Variants in SPECC1 observed in about 807,000 individuals in gnomAD.
The protein encoded by SPECC1 is cytospin-B.
Under a neutral mutation model 104.1 loss-of-function variants are expected in SPECC1, and 62 were observed. The observed-to-expected ratio is 0.60, with a 90% confidence interval of 0.49 to 0.74. The LOEUF (loss-of-function observed/expected upper bound fraction) is 0.74. SPECC1 is among the 30% of genes least tolerant of loss of function. SPECC1 has a pLI of 0.00. For synonymous variants in SPECC1, 513 were observed against 501.6 expected, an observed-to-expected ratio of 1.02 and a Z score of -0.30; for missense variants, 1,306 against 1,310.5, an observed-to-expected ratio of 1.00 and a Z score of 0.05.
chr17:20,014,016 G>A (rs571556498), intron 1 of SPECC1, among the ~76,000 whole-genome samples: 14 of 151,856 alleles, frequency 9.2e-5, no homozygotes, highest in Non-Finnish European at 1.9e-4. Context: ...TGTAGTCTGT[G>A]CATGTGCTCG....
At chr17:20,187,684 G>T (rs373506578) in intron 3 of SPECC1, among the ~76,000 whole-genome samples, 1 of 152,134 alleles carries the variant, frequency 6.6e-6, no homozygotes. Flanking sequence ...GCTTGAGTTG[G>T]GTTTTCTCTT....
At chr17:20,102,966 G>A (rs2048011609) in intron 2 of SPECC1, among the ~76,000 whole-genome samples, 1 of 152,182 alleles carries the variant, frequency 6.6e-6, no homozygotes, top group African/African-American at 2.4e-5. Flanking sequence ...ACACTCTGAA[G>A]TGGGTACCAT....
At chr17:20,228,958 C>G (rs1036021181) in intron 5 of SPECC1, among the ~76,000 whole-genome samples, 2 of 152,152 alleles carry the variant, frequency 1.3e-5, no homozygotes, top group African/African-American at 4.8e-5. Context: ...GTCGATCCTC[C>G]TTATTCACAG....
chr17:20,112,780 A>G, intron 3 of SPECC1: 1 of 1,366,606 alleles, frequency 7.3e-7, no homozygotes, highest in South Asian at 1.2e-5. Flanking sequence ...GAAGTCAGAT[A>G]ACAGGAATTA....
chr17:20,218,910 T>G (rs1168218599), intron 4 of SPECC1, among the ~76,000 whole-genome samples: 2 of 152,240 alleles, frequency 1.3e-5, no homozygotes, highest in Admixed American at 6.5e-5. Context: ...TGAATTTATC[T>G]TTCTATGTCT....
At position 20,315,002 on chromosome 17, in the gene SPECC1, C is replaced by T. The variant is rs1567629850; in HGVS notation, c.*937C>T. Reference sequence around the variant, plus strand: ...CGCGGCTTTCACAGTAGGGAAACCGCAGTCCTCGTCACCTGCGCCTTTGTC... The same window carrying T: ...CGCGGCTTTCACAGTAGGGAAACCGTAGTCCTCGTCACCTGCGCCTTTGTC... On this transcript the variant is annotated 3_prime_UTR_variant, in exon 15 of 15. Transcript: ENST00000395527. 4.3e-6 allele frequency: 1 copy of T among 232,870 alleles called. No individual in the cohort carries two copies. The allele number at this position is 232,870 out of a possible 1,614,324, so 14.4% of individuals were successfully genotyped here.
chr17:20,183,040 C>T (rs1042972887), intron 3 of SPECC1, among the ~76,000 whole-genome samples: 1 of 152,118 alleles, frequency 6.6e-6, no homozygotes, highest in Non-Finnish European at 1.5e-5. Flanking sequence ...TATTAGTACG[C>T]TTGTAAACAA....
At chr17:20,189,443 G>A (rs1402370426) in intron 3 of SPECC1, among the ~76,000 whole-genome samples, 5 of 152,196 alleles carry the variant, frequency 3.3e-5, no homozygotes, top group Non-Finnish European at 7.4e-5. Flanking sequence ...CAAATGGCCT[G>A]TCAGGAGTTG....
At chr17:20,034,534 T>C (rs928706885) in intron 1 of SPECC1, among the ~76,000 whole-genome samples, 1 of 152,094 alleles carries the variant, frequency 6.6e-6, no homozygotes, top group Non-Finnish European at 1.5e-5. Flanking sequence ...ACTGGCCTTA[T>C]AGATCTTAGT....
chr17:20,054,249 C>G (rs2045879051), intron 1 of SPECC1, among the ~76,000 whole-genome samples: 1 of 152,196 alleles, frequency 6.6e-6, no homozygotes, highest in Non-Finnish European at 1.5e-5. Context: ...GTTAATCAAG[C>G]CCAGTCATCT....
chr17:20,096,491 A>AT lies in SPECC1; in HGVS notation c.-21-138dup. ...AAGCCTATAAACCCATCTTAGGAAT[A>AT]TTCTATTTCCAGCCAAATCATAGGT... is the stretch of plus-strand genomic sequence containing the variant. On this transcript the variant is annotated intron_variant, in intron 1 of 14. Transcript: ENST00000395527. The AT allele has an allele frequency of 4.0e-6, 4 of 999,320 alleles. No individual in the cohort carries two copies. The South Asian group carries it at 6.8e-5, about 17-fold the overall frequency. 61.9% of individuals were successfully genotyped at this position (999,320 alleles called of 1,614,324 possible). A position where few individuals can be genotyped will look rare whatever the true frequency, so the allele number is the denominator to read the frequency against.
intron 7 of SPECC1, chr17:20,238,603 G>A (rs1399601242): frequency 9.6e-7 from 1 of 1,042,394 alleles, no homozygotes; most frequent in East Asian, 5.7e-5. Context: ...AAATTAGCTT[G>A]GCGTGAGAAG....
chr17:20,223,508 A>G (rs1312076597), intron 4 of SPECC1, among the ~76,000 whole-genome samples: 1 of 152,052 alleles, frequency 6.6e-6, no homozygotes, highest in Non-Finnish European at 1.5e-5. Context: ...ACCCGTCTCT[A>G]CTAAAAATAC....
At chr17:20,075,125 A>G (rs2046707785) in intron 1 of SPECC1, among the ~76,000 whole-genome samples, 2 of 151,960 alleles carry the variant, frequency 1.3e-5, no homozygotes, top group Non-Finnish European at 2.9e-5. Flanking sequence ...CTGGCCTCAA[A>G]CTCCTGACCT....
At chr17:20,151,941 TG>T (rs2032043850) in intron 3 of SPECC1, among the ~76,000 whole-genome samples, 1 of 151,332 alleles carries the variant, frequency 6.6e-6, no homozygotes, top group Admixed American at 6.6e-5. Context: ...CCCAGCTACT[TG>T]GGAGGCTGAG....
At chr17:20,071,865 A>G (rs575644092) in intron 1 of SPECC1, among the ~76,000 whole-genome samples, 1 of 152,366 alleles carries the variant, frequency 6.6e-6, no homozygotes, top group Non-Finnish European at 1.5e-5. Context: ...GTATCTTTCT[A>G]TTAATAGATT....
chr17:20,291,185 G>A (rs935491617), intron 12 of SPECC1, among the ~76,000 whole-genome samples: 2 of 152,174 alleles, frequency 1.3e-5, no homozygotes, highest in African/African-American at 4.8e-5. Context: ...AGAAAATGGG[G>A]TTCTAGTTTC....
intron 3 of SPECC1, among the ~76,000 whole-genome samples, chr17:20,127,709 T>C (rs1331609143): frequency 6.6e-6 from 1 of 152,166 alleles, no homozygotes; most frequent in Non-Finnish European, 1.5e-5. Context: ...AATTTTGCCA[T>C]TTTTTTCTTT....
chr17:20,045,757 T>G (rs2045515428), intron 1 of SPECC1, among the ~76,000 whole-genome samples: 1 of 152,160 alleles, frequency 6.6e-6, no homozygotes, highest in South Asian at 2.1e-4. Context: ...TAGTTTGTGG[T>G]TTGAGACTGT....
Sources: gnomAD v4.1 joint callset for allele counts (sites outside exome capture counted in the v4.1 genomes callset) on GRCh38, gnomAD v4.1.1 for gene constraint, MANE v1.5 for transcripts, NCBI Gene and HGNC (gene_info 2026-07-23, HGNC 2026-07-21) for gene names.